The following SEMA5A variants were observed in gnomAD, a reference collection of about 807,000 sequenced individuals.
The protein encoded by SEMA5A is semaphorin-5A.
Under a neutral mutation model 135.5 loss-of-function variants are expected in SEMA5A, and 55 were observed. That is an observed-to-expected ratio of 0.41 (90% CI 0.33 to 0.51). SEMA5A has a LOEUF of 0.51. SEMA5A is among the 20% of genes least tolerant of loss of function. SEMA5A has a pLI of 0.37. For synonymous variants in SEMA5A, 580 were observed against 546.5 expected (o/e 1.06, Z -0.85); for missense variants, 1,290 against 1,419.9 (o/e 0.91, Z 1.47).
intron 1 of SEMA5A, among the ~76,000 whole-genome samples, chr5:9,515,025 G>A (rs575185029): frequency 3.9e-5 from 6 of 152,274 alleles, no homozygotes; most frequent in South Asian, 2.1e-4. Flanking sequence ...CACTTAAATC[G>A]TATTTTCATA....
rs1554017977 is a variant in SEMA5A, at chr5:9,035,979, A to AAT, written c.*6916_*6917dup. ...TTTCACAAAAAAAAAAAAAAAAAAAAATCTCAAGTTTATTTTGTGTTCACA... is the reference window on the plus strand; with the variant it reads ...TTTCACAAAAAAAAAAAAAAAAAAAAATATCTCAAGTTTATTTTGTGTTCACA... On this transcript the variant is annotated 3_prime_UTR_variant, in exon 23 of 23. Transcript: ENST00000382496. The AAT allele has an allele frequency of 1.7e-3, 255 of 151,748 alleles. 1 individual carries two copies. The highest frequency in any genetic ancestry group is 2.7e-3 in the Non-Finnish European group (184 of 67,962). The allele number at this position is 151,748 out of a possible 1,614,324, so 9.4% of individuals were successfully genotyped here.
At chr5:9,156,904 T>G (rs915455521) in intron 11 of SEMA5A, among the ~76,000 whole-genome samples, 4 of 152,256 alleles carry the variant, frequency 2.6e-5, no homozygotes, top group African/African-American at 9.6e-5. Context: ...AGAATCAAAT[T>G]TTTAAAGATC....
chr5:9,545,131 A>T lies in SEMA5A; in HGVS notation c.-175+453T>A, dbSNP rs1299849131. Among the ~76,000 whole-genome samples the T allele has an allele frequency of 6.6e-6, 1 of 152,080 alleles. No homozygotes were observed. Among genetic ancestry groups the T allele is most frequent in the African/African-American group, 2.4e-5 (1 of 41,426 alleles). ...TAAGGAAAGCAGGAAAACCTGCCCA[A>T]GCCGGTGGGGCTGCGAGGTGGCCGC... On this transcript the variant is annotated intron_variant, in intron 1 of 22. Transcript: ENST00000382496. This position sits in a 1 kb window ranked among gnomAD's most constrained non-coding sequence, Gnocchi z 4.5.
intron 2 of SEMA5A, among the ~76,000 whole-genome samples, chr5:9,389,182 C>G (rs1221644376): frequency 6.6e-6 from 1 of 152,102 alleles, no homozygotes; most frequent in Non-Finnish European, 1.5e-5. Flanking sequence ...TTCTGTAACT[C>G]CCCAATCTCT....
In SEMA5A at chr5:9,044,493, C is replaced by G. The variant is rs776264446; in HGVS notation, c.2985G>C (p.Arg995=). 6 of 1,613,824 alleles carry G rather than the reference C, an allele frequency of 3.7e-6. No homozygotes were observed. The highest frequency in any genetic ancestry group is 3.3e-5 in the Admixed American group (2 of 59,986). ...LTLLVYTYCQ[R]YQQQSHDATV... ...TCGCATCGTGGGATTGCTGCTGGTA[C>G]CGCTGGCAGTAAGTATAGACGAGCA... The change falls in exon 22 of 23, where the codon CGG becomes CGC. Residue 995 remains arginine (R), a synonymous_variant. Transcript: ENST00000382496.
chr5:9,223,568 C>T (rs1315950739), intron 8 of SEMA5A, among the ~76,000 whole-genome samples: 1 of 152,186 alleles, frequency 6.6e-6, no homozygotes, highest in Non-Finnish European at 1.5e-5. Context: ...CCCAGTCCCA[C>T]AACTAAGACA....
intron 16 of SEMA5A, 120 bp downstream of exon 16, chr5:9,108,020 A>C: frequency 7.9e-7 from 1 of 1,270,106 alleles, no homozygotes; most frequent in Non-Finnish European, 1.1e-6. Flanking sequence ...CAGAGCCTCT[A>C]GTGTGTGCAG....
intron 5 of SEMA5A, among the ~76,000 whole-genome samples, chr5:9,305,134 T>C (rs1043034924): frequency 1.3e-5 from 2 of 152,176 alleles, no homozygotes; most frequent in African/African-American, 2.4e-5. Flanking sequence ...CTCGCCTGTA[T>C]TGGAGCCTCT....
intron 3 of SEMA5A, among the ~76,000 whole-genome samples, chr5:9,378,797 C>T (rs1416419583): frequency 6.6e-6 from 1 of 152,200 alleles, no homozygotes; most frequent in South Asian, 2.1e-4. Context: ...CATGAAAGAT[C>T]TCTCAATGCC....
intron 1 of SEMA5A, among the ~76,000 whole-genome samples, chr5:9,461,849 G>T (rs1472202023): frequency 6.6e-6 from 1 of 152,182 alleles, no homozygotes; most frequent in Admixed American, 6.5e-5. Flanking sequence ...ATGTATGAAC[G>T]TACTCCACAG....
chr5:9,316,061 CATTT>C (rs1053112285), intron 5 of SEMA5A, among the ~76,000 whole-genome samples: 2 of 152,066 alleles, frequency 1.3e-5, no homozygotes, highest in Non-Finnish European at 2.9e-5. Flanking sequence ...TTTGTTTACT[CATTT>C]ATTTATGTTT....
intron 5 of SEMA5A, among the ~76,000 whole-genome samples, chr5:9,287,692 C>CATATTCAT (rs1750869012): frequency 1.3e-5 from 2 of 152,138 alleles, no homozygotes; most frequent in Non-Finnish European, 1.5e-5. Flanking sequence ...CTCAGCCATC[C>CATATTCAT]ATATTCATAT....
chr5:9,050,600 C>G, intron 20 of SEMA5A, 143 bp from the exon 21 acceptor site: 1 of 737,780 alleles, frequency 1.4e-6, no homozygotes, highest in South Asian at 2.7e-5. Context: ...CAGAAAAATT[C>G]TACTTGTTTC....
At position 9,523,871 on chromosome 5, in the gene SEMA5A, T is replaced by C. The variant is rs190480882; in HGVS notation, c.-175+21713A>G. Among the ~76,000 whole-genome samples the C allele has an allele frequency of 2.9e-4, 44 of 152,318 alleles. No individual in the cohort carries two copies. The East Asian group carries it at 3.5e-3, about 12-fold the overall frequency. On this transcript the variant is annotated intron_variant, in intron 1 of 22. Transcript: ENST00000382496. ...CAATTAGTGTCTGTCCCCTAAAAGTTCACGTCCACTTAGAACCTCAGTGTT... is the reference window on the plus strand; with the variant it reads ...CAATTAGTGTCTGTCCCCTAAAAGTCCACGTCCACTTAGAACCTCAGTGTT...
intron 16 of SEMA5A, among the ~76,000 whole-genome samples, chr5:9,098,448 A>C (rs528091714): frequency 1.3e-5 from 2 of 152,290 alleles, no homozygotes; most frequent in South Asian, 4.1e-4. Flanking sequence ...TTCTTTATGG[A>C]TAATCAATTG....
chr5:9,103,144 C>T (rs1004869284), intron 16 of SEMA5A, among the ~76,000 whole-genome samples: 1 of 152,124 alleles, frequency 6.6e-6, no homozygotes, highest in African/African-American at 2.4e-5. Flanking sequence ...AAGACCTGGA[C>T]CGGGGGTCTT....
intron 1 of SEMA5A, among the ~76,000 whole-genome samples, chr5:9,543,373 T>G (rs1291117727): frequency 3.3e-5 from 5 of 152,236 alleles, no homozygotes; most frequent in African/African-American, 1.2e-4. Flanking sequence ...TTTCTACGTT[T>G]CATTCTCCCA....
intron 1 of SEMA5A, among the ~76,000 whole-genome samples, chr5:9,467,358 C>T (rs1277059990): frequency 1.3e-5 from 2 of 152,104 alleles, no homozygotes; most frequent in Non-Finnish European, 1.5e-5. Flanking sequence ...ATGATCCACC[C>T]GCCTCAGCCT....
chr5:9,489,310 T>C (rs1371254275), intron 1 of SEMA5A, among the ~76,000 whole-genome samples: 2 of 152,274 alleles, frequency 1.3e-5, no homozygotes, highest in East Asian at 1.9e-4. Context: ...GGTGCGGTGT[T>C]AGGCTTGGGG....
Sources: gnomAD v4.1 joint callset for allele counts (sites outside exome capture counted in the v4.1 genomes callset) on GRCh38, gnomAD v4.1.1 for gene constraint, Gnocchi (gnomAD v3.1) non-coding constraint, MANE v1.5 for transcripts, NCBI Gene and HGNC (gene_info 2026-07-23, HGNC 2026-07-21) for gene names.